The following SGMS1 variants were observed in gnomAD, a reference collection of about 807,000 sequenced individuals.
The protein encoded by SGMS1 is phosphatidylcholine:ceramide cholinephosphotransferase 1.
SGMS1 carries 13 observed loss-of-function variants against 46.2 expected under a neutral mutation model. The ratio of observed to expected loss-of-function variants is 0.28; its 90% CI spans 0.18 to 0.45. The LOEUF is 0.45. Among genes scored for constraint, SGMS1 ranks in the 20% least tolerant of loss-of-function variants. SGMS1 has a pLI of 1.00. For synonymous variants in SGMS1, 203 were observed against 187.8 expected (o/e 1.08, Z -0.66); for missense variants, 324 against 519.9 (o/e 0.62, Z 3.66).
chr10:50,552,903 G>A (rs527670359), intron 2 of SGMS1, among the ~76,000 whole-genome samples: 131 of 152,314 alleles, frequency 8.6e-4, no homozygotes, highest in African/African-American at 3.0e-3. Flanking sequence ...GAACACCAGA[G>A]CAAAGATGGG....
At chr10:50,477,350 G>A (rs1406618961) in intron 3 of SGMS1, among the ~76,000 whole-genome samples, 1 of 152,230 alleles carries the variant, frequency 6.6e-6, no homozygotes, top group Non-Finnish European at 1.5e-5. Flanking sequence ...TTTTGGAATG[G>A]GGGCATATAC....
chr10:50,586,192 A>T (rs1283519673), intron 2 of SGMS1, among the ~76,000 whole-genome samples: 1 of 152,248 alleles, frequency 6.6e-6, no homozygotes, highest in Non-Finnish European at 1.5e-5. Flanking sequence ...TTATATAATG[A>T]TGACTCTACT....
chr10:50,543,395 A>G (rs1161546780), intron 2 of SGMS1, among the ~76,000 whole-genome samples: 1 of 152,278 alleles, frequency 6.6e-6, no homozygotes, highest in Admixed American at 6.5e-5. Flanking sequence ...AGATATACAC[A>G]TTACATAGTT....
chr10:50,453,402 C>T (rs1271642270), intron 5 of SGMS1, among the ~76,000 whole-genome samples: 1 of 151,266 alleles, frequency 6.6e-6, no homozygotes, highest in East Asian at 1.9e-4. Flanking sequence ...GGGGATAAAA[C>T]TGTAGGATAA....
intron 3 of SGMS1, among the ~76,000 whole-genome samples, chr10:50,485,591 C>G (rs557823417): frequency 1.2e-4 from 19 of 152,268 alleles, no homozygotes; most frequent in African/African-American, 4.1e-4. Flanking sequence ...ATAGCCAAGA[C>G]AACCCTAAGC....
At chr10:50,558,740 G>A (rs1238634940) in intron 2 of SGMS1, among the ~76,000 whole-genome samples, 5 of 152,124 alleles carry the variant, frequency 3.3e-5, no homozygotes, top group Non-Finnish European at 7.4e-5. Flanking sequence ...AGACAATGAG[G>A]ATGGAGAACT....
chr10:50,620,445 C>T (rs1838838751), intron 1 of SGMS1, among the ~76,000 whole-genome samples: 2 of 152,136 alleles, frequency 1.3e-5, no homozygotes, highest in South Asian at 4.1e-4. Flanking sequence ...ATGTTATGCC[C>T]CCACAAGGAC....
intron 5 of SGMS1, among the ~76,000 whole-genome samples, chr10:50,445,121 A>T (rs1836994479): frequency 6.6e-6 from 1 of 152,350 alleles, no homozygotes; most frequent in East Asian, 1.9e-4. Flanking sequence ...TTTCAACATC[A>T]TTAGTCACCA....
At chr10:50,463,640 A>G (rs1479489932) in intron 4 of SGMS1, among the ~76,000 whole-genome samples, 1 of 152,246 alleles carries the variant, frequency 6.6e-6, no homozygotes, top group Non-Finnish European at 1.5e-5. Context: ...CATTAAGAAT[A>G]GAACTACTAT....
chr10:50,545,717 G>A lies in SGMS1; in HGVS notation c.-588-25796C>T, dbSNP rs147919040. 2.8e-3 allele frequency among the ~76,000 whole-genome samples: 433 copies of A among 152,308 alleles called. 1 individual carries two copies. Among genetic ancestry groups the A allele is most frequent in the Middle Eastern group, 0.02 (6 of 294 alleles). ...CCTCCAAAATGCTGGGATTACAGAC[G>A]TGAGCCATGATGCCCAGCCAGGTAA... On this transcript the variant is annotated intron_variant, in intron 2 of 10. Coordinates refer to ENST00000361781, the MANE Select transcript of SGMS1 (RefSeq NM_147156.4).
intron 7 of SGMS1, chr10:50,341,159 T>C: frequency 2.9e-6 from 1 of 342,414 alleles, no homozygotes; most frequent in Non-Finnish European, 5.8e-6. Flanking sequence ...ACTGCTATAA[T>C]GCAATAACTA....
At chr10:50,442,149 C>G (rs1043868310) in intron 5 of SGMS1, among the ~76,000 whole-genome samples, 3 of 150,786 alleles carry the variant, frequency 2.0e-5, no homozygotes, top group Middle Eastern at 6.9e-3. Context: ...AACAAAAGGG[C>G]GTTCATTCAA....
rs1008666751 is a variant in SGMS1 at position 50,617,883 on chromosome 10, T to A, written c.-684+5824A>T. On this transcript the variant is annotated intron_variant, in intron 1 of 10. Transcript: ENST00000361781. ...CCACTGCACCTGGCCCTGGCTTAAT[T>A]TTTTTTTTTTTTTTTGTAGAGACAG... 1.3e-4 allele frequency among the ~76,000 whole-genome samples: 17 copies of A among 134,598 alleles called. No homozygotes were observed. In the South Asian group the frequency reaches 6.0e-3, roughly 47 times the overall value. The allele number at this position is 134,598 out of a possible 152,430, so 88.3% of individuals were successfully genotyped here. A position where few individuals can be genotyped will look rare whatever the true frequency, so the allele number is the denominator to read the frequency against.
At chr10:50,526,986 A>C (rs1837907568) in intron 2 of SGMS1, among the ~76,000 whole-genome samples, 1 of 147,354 alleles carries the variant, frequency 6.8e-6, no homozygotes, top group African/African-American at 2.6e-5. Context: ...AATCGCTTGA[A>C]CCTGTGAGGT....
intron 6 of SGMS1, among the ~76,000 whole-genome samples, chr10:50,408,736 T>G (rs1465877859): frequency 1.3e-5 from 2 of 151,366 alleles, no homozygotes; most frequent in Admixed American, 6.6e-5. Flanking sequence ...GCTACTGGGG[T>G]GCGTCTCAAG....
chr10:50,466,019 A>G (rs1837324743), intron 4 of SGMS1, among the ~76,000 whole-genome samples: 1 of 152,212 alleles, frequency 6.6e-6, no homozygotes, highest in Non-Finnish European at 1.5e-5. Context: ...CAGGAAAAGT[A>G]GGTATGTAGT....
At chr10:50,376,188 T>C (rs761122201) in intron 6 of SGMS1, among the ~76,000 whole-genome samples, 8 of 152,198 alleles carry the variant, frequency 5.3e-5, no homozygotes, top group African/African-American at 9.6e-5. Context: ...GGGGGGTATG[T>C]TCGCTGTGGT....
intron 2 of SGMS1, among the ~76,000 whole-genome samples, chr10:50,573,068 ATTAAGT>A (rs1334796039): frequency 6.6e-6 from 1 of 152,180 alleles, no homozygotes; most frequent in Non-Finnish European, 1.5e-5. Context: ...AAACTGTCAA[ATTAAGT>A]ATAACTTACC....
intron 3 of SGMS1, among the ~76,000 whole-genome samples, chr10:50,503,381 T>G (rs1265948626): frequency 1.3e-5 from 2 of 152,202 alleles, no homozygotes; most frequent in East Asian, 3.9e-4. Flanking sequence ...TCATATCCCC[T>G]GTGACCCGCA....
Sources: gnomAD v4.1 joint callset for allele counts (sites outside exome capture counted in the v4.1 genomes callset) on GRCh38, gnomAD v4.1.1 for gene constraint, MANE v1.5 for transcripts, NCBI Gene and HGNC (gene_info 2026-07-23, HGNC 2026-07-21) for gene names.